THSD4: variants seen among roughly 807,000 people sequenced by gnomAD.
THSD4 encodes the protein thrombospondin type-1 domain-containing protein 4.
In THSD4, 69 loss-of-function variants were observed where a neutral mutation model predicts 119.0. The observed-to-expected ratio is 0.58, with a 90% CI of 0.48 to 0.71. The LOEUF (loss-of-function observed/expected upper bound fraction) is 0.71, where lower values mean the gene tolerates loss of function less well. Ranked by LOEUF, THSD4 falls within the 30% of genes least tolerant of loss-of-function variation. The pLI is 0.00. For missense variants in THSD4, 1,393 were observed against 1,391.1 expected, an observed-to-expected ratio of 1.00 and a Z score of -0.02; for synonymous variants, 524 against 540.4, an observed-to-expected ratio of 0.97 and a Z score of 0.42.
chr15:71,393,902 C>T (rs1379547429), intron 6 of THSD4, among the ~76,000 whole-genome samples: 3 of 151,922 alleles, frequency 2.0e-5, no homozygotes, highest in African/African-American at 4.8e-5. Context: ...CAAGGTTCTC[C>T]GATTGAGGCA....
At chr15:71,634,746 CA>C (rs1251907479) in intron 7 of THSD4, among the ~76,000 whole-genome samples, 3 of 152,172 alleles carry the variant, frequency 2.0e-5, no homozygotes. Flanking sequence ...TATGCTGCTC[CA>C]CGGTGGCAGC....
chr15:71,158,114 G>T (rs2040798357), intron 3 of THSD4, among the ~76,000 whole-genome samples: 2 of 132,272 alleles, frequency 1.5e-5, no homozygotes, highest in African/African-American at 2.8e-5. Flanking sequence ...GTACGTAAGT[G>T]TTCATTTTCT....
intron 7 of THSD4, among the ~76,000 whole-genome samples, chr15:71,534,515 A>G (rs1316930812): frequency 2.0e-5 from 3 of 152,100 alleles, no homozygotes; most frequent in African/African-American, 7.2e-5. Context: ...TTATCATTTC[A>G]CTATTTTTCC....
chr15:71,741,989 G>A (rs1408363249), intron 11 of THSD4, among the ~76,000 whole-genome samples: 2 of 152,240 alleles, frequency 1.3e-5, no homozygotes, highest in African/African-American at 4.8e-5. Context: ...CAGGGTAGGT[G>A]AGGCAATGCG....
intron 7 of THSD4, among the ~76,000 whole-genome samples, chr15:71,555,408 A>G (rs2049002312): frequency 6.6e-6 from 1 of 152,214 alleles, no homozygotes; most frequent in Non-Finnish European, 1.5e-5. Flanking sequence ...AACTATTGAT[A>G]TTGTATAATG....
chr15:71,332,083 C>T (rs953681006), intron 6 of THSD4, among the ~76,000 whole-genome samples: 3 of 152,120 alleles, frequency 2.0e-5, no homozygotes, highest in African/African-American at 7.2e-5. Context: ...TCCACAATGC[C>T]ATCAGGGAGT....
intron 7 of THSD4, among the ~76,000 whole-genome samples, chr15:71,522,989 C>T (rs2048464336): frequency 6.6e-6 from 1 of 152,164 alleles, no homozygotes; most frequent in Non-Finnish European, 1.5e-5. Flanking sequence ...ATGTGCCCAC[C>T]ACAGTGAGGG....
intron 6 of THSD4, among the ~76,000 whole-genome samples, chr15:71,277,765 A>G (rs1203716634): frequency 1.3e-5 from 2 of 151,934 alleles, no homozygotes; most frequent in South Asian, 2.1e-4. Context: ...TCACTGCTCT[A>G]TTGGAATCAC....
At chr15:71,717,398 C>G (rs1452791389) in intron 8 of THSD4, among the ~76,000 whole-genome samples, 2 of 152,132 alleles carry the variant, frequency 1.3e-5, no homozygotes, top group African/African-American at 2.4e-5. Context: ...AATTACATGT[C>G]TGTATCACAT....
intron 7 of THSD4, among the ~76,000 whole-genome samples, chr15:71,631,603 T>C (rs549445749): frequency 1.6e-4 from 25 of 152,170 alleles, no homozygotes; most frequent in Non-Finnish European, 3.4e-4. Context: ...AGGATGTATC[T>C]TAGAGATTTT....
At position 71,420,947 on chromosome 15, in the gene THSD4, G is replaced by T. The variant is rs370923883; in HGVS notation, c.1152+9124G>T. Among the ~76,000 whole-genome samples, 146 of 103,066 alleles carry T rather than the reference G, an allele frequency of 1.4e-3. 35 individuals are homozygous for T. Among genetic ancestry groups the T allele is most frequent in the African/African-American group, 4.6e-3 (139 of 30,204 alleles). The allele number at this position is 103,066 out of a possible 152,430, so 67.6% of individuals were successfully genotyped here. On this transcript the variant is annotated intron_variant, in intron 7 of 17. Transcript: ENST00000261862. ...CACACCTGTAATCCTAGCACTTTGG[G>T]ATCACTTGTGGTCAGTTCAAGACCA...
At chr15:71,099,778 A>G (rs922306716) in intron 1 of THSD4, among the ~76,000 whole-genome samples, 2 of 152,114 alleles carry the variant, frequency 1.3e-5, no homozygotes, top group Non-Finnish European at 2.9e-5. Context: ...CAGCCTGGAC[A>G]ACATGGTGAA....
At chr15:71,262,602 A>G (rs527848247) in intron 6 of THSD4, among the ~76,000 whole-genome samples, 2 of 150,884 alleles carry the variant, frequency 1.3e-5, no homozygotes, top group East Asian at 4.0e-4. Flanking sequence ...GGGCAGCTTT[A>G]TGTTTGGGTA....
At chr15:71,348,103 G>T (rs2045691430) in intron 6 of THSD4, 1 of 152,186 alleles carries the variant, frequency 6.6e-6, no homozygotes, top group South Asian at 2.1e-4. Flanking sequence ...TATAAAATGA[G>T]AGTAGTTAAA....
intron 1 of THSD4, among the ~76,000 whole-genome samples, chr15:71,098,213 T>G (rs796127633): frequency 0.012 from 1,494 of 128,812 alleles, 5 homozygotes; most frequent in Middle Eastern, 0.018. Flanking sequence ...TTTTTTTTTT[T>G]GGGGGGAGAG....
At position 71,748,496 on chromosome 15, in the gene THSD4, G is replaced by C. The variant is rs12439065; in HGVS notation, c.2317G>C (p.Asp773His). The C allele has an allele frequency of 6.2e-7, 1 of 1,614,094 alleles. No homozygotes were observed. The highest frequency in any genetic ancestry group is 8.5e-7 in the Non-Finnish European group (1 of 1,180,038). Residue 773 changes from aspartate to histidine, a missense_variant, in exon 14 of 18, where the codon GAT becomes CAT. By Grantham distance (81) the Asp-to-His change is moderately conservative. Transcript: ENST00000261862. The stretch of plus-strand genomic sequence containing the variant: ...GAGCAACATTGGGGATGTGGTTGAC[G>C]ATGAGGAATGCAACATGAAGCTCCG... ...CVSNIGDVVDDEECNMKLRPN... is the reference protein window; with the variant it reads ...CVSNIGDVVDHEECNMKLRPN...
intron 1 of THSD4, among the ~76,000 whole-genome samples, chr15:71,118,784 A>G (rs1431682620): frequency 1.3e-5 from 2 of 152,250 alleles, no homozygotes; most frequent in African/African-American, 4.8e-5. Context: ...TTATGCTGGA[A>G]GCCAACACAT....
chr15:71,371,783 C>T (rs2046053608), intron 6 of THSD4, among the ~76,000 whole-genome samples: 1 of 152,120 alleles, frequency 6.6e-6, no homozygotes, highest in Non-Finnish European at 1.5e-5. Flanking sequence ...CGAGGAGTAT[C>T]TTTGTGGCAT....
At chr15:71,350,348 CAGACATTCTTGGTGGGG>C (rs946404211) in intron 6 of THSD4, among the ~76,000 whole-genome samples, 1 of 152,018 alleles carries the variant, frequency 6.6e-6, no homozygotes, top group Non-Finnish European at 1.5e-5. Flanking sequence ...CACTTTGAAG[CAGACATTCTTGGTGGGG>C]AGCCCTAGAA....
Sources: gnomAD v4.1 joint callset for allele counts (sites outside exome capture counted in the v4.1 genomes callset) on GRCh38, gnomAD v4.1.1 for gene constraint, MANE v1.5 for transcripts, NCBI Gene and HGNC (gene_info 2026-07-23, HGNC 2026-07-21) for gene names.